The following MCC variants were observed in gnomAD, a reference collection of about 807,000 sequenced individuals.
MCC encodes the protein MCC regulator of Wnt signaling pathway.
Under a neutral mutation model 116.2 loss-of-function variants are expected in MCC, and 90 were observed. That is an observed-to-expected ratio of 0.77 (90% CI 0.65 to 0.92). The LOEUF (loss-of-function observed/expected upper bound fraction) is 0.92, where lower values mean the gene tolerates loss of function less well. Ranked by LOEUF, MCC falls within the 40% of genes least tolerant of loss-of-function variation. MCC has a pLI of 0.00. For synonymous variants in MCC, 578 were observed against 510.5 expected (o/e 1.13, Z -1.78); for missense variants, 1,516 against 1,312.2 (o/e 1.16, Z -2.40).
chr5:113,106,793 C>G (rs375510903), intron 6 of MCC, among the ~76,000 whole-genome samples: 5 of 152,196 alleles, frequency 3.3e-5, no homozygotes, highest in African/African-American at 1.2e-4. Context: ...ATAAGCAATC[C>G]TCCTGCCACA....
At chr5:113,294,252 G>A (rs1172120827) in intron 3 of MCC, 2 of 1,592,874 alleles carry the variant, frequency 1.3e-6, no homozygotes, top group Non-Finnish European at 1.7e-6. Flanking sequence ...AGGGCTGTGG[G>A]GAGGTCGAGG....
intron 5 of MCC, among the ~76,000 whole-genome samples, chr5:113,129,846 A>T (rs1407173373): frequency 1.3e-5 from 2 of 152,234 alleles, no homozygotes; most frequent in East Asian, 3.8e-4. Flanking sequence ...CAGATGCTGG[A>T]GAGGATGTGG....
intron 3 of MCC, among the ~76,000 whole-genome samples, chr5:113,193,241 C>T (rs950080138): frequency 6.6e-6 from 1 of 151,824 alleles, no homozygotes; most frequent in South Asian, 2.1e-4. Context: ...CTGGGCCTAC[C>T]TGGATAATAC....
chr5:113,358,904 C>T (rs1245912391), intron 2 of MCC, among the ~76,000 whole-genome samples: 1 of 152,146 alleles, frequency 6.6e-6, no homozygotes, highest in African/African-American at 2.4e-5. Context: ...GGGCCCCTAG[C>T]ATCGTCCACT....
chr5:113,456,964 G>A (rs775009151), intron 1 of MCC, among the ~76,000 whole-genome samples: 1 of 152,172 alleles, frequency 6.6e-6, no homozygotes, highest in Non-Finnish European at 1.5e-5. Flanking sequence ...AAATCATAAT[G>A]AGAGGTGACA....
chr5:113,218,715 G>C (rs1035753202), intron 3 of MCC, among the ~76,000 whole-genome samples: 2 of 152,134 alleles, frequency 1.3e-5, no homozygotes, highest in African/African-American at 4.8e-5. Flanking sequence ...ATCCTCTCAG[G>C]CATTTAAAAT....
At chr5:113,095,631 C>T (rs1471007111) in intron 8 of MCC, among the ~76,000 whole-genome samples, 3 of 151,990 alleles carry the variant, frequency 2.0e-5, no homozygotes, top group African/African-American at 4.8e-5. Context: ...GCCATTTTCC[C>T]ACCTCAGCCC....
At chr5:113,084,754 T>C (rs915057749) in intron 9 of MCC, among the ~76,000 whole-genome samples, 26 of 152,244 alleles carry the variant, frequency 1.7e-4, no homozygotes, top group African/African-American at 4.1e-4. Context: ...AATCTATTTT[T>C]CTTTTTTTGT....
At chr5:113,112,245 AG>A (rs1757142213) in intron 6 of MCC, among the ~76,000 whole-genome samples, 2 of 152,266 alleles carry the variant, frequency 1.3e-5, no homozygotes, top group East Asian at 3.9e-4. Context: ...TGCCTTTGAT[AG>A]GGCTTGGGTT....
At chr5:113,110,410 C>A (rs185628190) in intron 6 of MCC, among the ~76,000 whole-genome samples, 1 of 152,164 alleles carries the variant, frequency 6.6e-6, no homozygotes, top group Non-Finnish European at 1.5e-5. Context: ...GGAAGCATTC[C>A]GGTTTCACAA....
At chr5:113,457,921 T>C (rs1324279008) in intron 1 of MCC, among the ~76,000 whole-genome samples, 3 of 151,952 alleles carry the variant, frequency 2.0e-5, no homozygotes, top group African/African-American at 7.3e-5. Flanking sequence ...ACACTCTGTA[T>C]CTAGCTACTC....
At chr5:113,150,360 T>C (rs537953899) in intron 4 of MCC, among the ~76,000 whole-genome samples, 1 of 152,234 alleles carries the variant, frequency 6.6e-6, no homozygotes, top group Non-Finnish European at 1.5e-5. Context: ...TACAAAGTTA[T>C]ACAAAACAAG....
At chr5:113,471,291 C>T (rs919393391) in intron 1 of MCC, among the ~76,000 whole-genome samples, 1 of 152,094 alleles carries the variant, frequency 6.6e-6, no homozygotes, top group African/African-American at 2.4e-5. Flanking sequence ...CTGTTTTTTT[C>T]CCATCTTTGT....
chr5:113,432,307 C>A (rs1022884774), intron 1 of MCC, among the ~76,000 whole-genome samples: 2 of 118,068 alleles, frequency 1.7e-5, no homozygotes, highest in Non-Finnish European at 3.2e-5. Flanking sequence ...TGGGCTAGAG[C>A]GAGACTCTGT....
At chr5:113,351,711 G>A (rs10477490) in intron 2 of MCC, among the ~76,000 whole-genome samples, 25,038 of 152,126 alleles carry the variant, frequency 0.16, 2,248 homozygotes, top group Non-Finnish European at 0.21. Context: ...GATTGTTTGC[G>A]ACACAAAGGA....
At chr5:113,426,133 C>T (rs1338798994) in intron 1 of MCC, among the ~76,000 whole-genome samples, 2 of 152,052 alleles carry the variant, frequency 1.3e-5, no homozygotes, top group African/African-American at 2.4e-5. Context: ...GGTTTCAGAA[C>T]TGAGACACCA....
intron 1 of MCC, among the ~76,000 whole-genome samples, chr5:113,388,281 T>C (rs1428009081): frequency 6.6e-6 from 1 of 152,220 alleles, no homozygotes; most frequent in Non-Finnish European, 1.5e-5. Context: ...GTACTAGTTT[T>C]TAAAAACTAA....
At chr5:113,391,873 G>C (rs910119958) in intron 1 of MCC, among the ~76,000 whole-genome samples, 4 of 152,118 alleles carry the variant, frequency 2.6e-5, no homozygotes, top group Non-Finnish European at 5.9e-5. Context: ...AGGTAGGGTA[G>C]GAGGGTTGTG....
chr5:113,051,183 C>T (rs1752462796), intron 15 of MCC, among the ~76,000 whole-genome samples: 1 of 152,092 alleles, frequency 6.6e-6, no homozygotes, highest in Non-Finnish European at 1.5e-5. Context: ...ACATCTGCAA[C>T]CCAGGATCCT....
Sources: allele counts gnomAD v4.1 joint callset (sites outside exome capture counted in the v4.1 genomes callset), GRCh38; gene constraint gnomAD v4.1.1; transcripts MANE v1.5; gene names NCBI Gene and HGNC (gene_info 2026-07-23, HGNC 2026-07-21).